SLC5A1: variants seen among roughly 807,000 people sequenced by gnomAD.
SLC5A1 encodes solute carrier family 5 member 1.
A neutral mutation model predicts 73.5 loss-of-function variants in SLC5A1; 42 were observed. That is an observed-to-expected ratio of 0.57 (90% CI 0.45 to 0.74). The LOEUF is 0.74. Among genes scored for constraint, SLC5A1 ranks in the 30% least tolerant of loss-of-function variants. SLC5A1 has a pLI of 0.00. For missense variants in SLC5A1, 634 were observed against 855.4 expected (o/e 0.74, Z 3.23); for synonymous variants, 300 against 317.4 (o/e 0.95, Z 0.58).
At chr22:32,068,073 G>C in intron 4 of SLC5A1, 47 bp downstream of exon 4, 2 of 1,574,308 alleles carry the variant, frequency 1.3e-6, no homozygotes, top group African/African-American at 2.7e-5. Flanking sequence ...AAATGTATCT[G>C]TCAGCTTGGT....
In SLC5A1 at chr22:32,102,177, C is replaced by A. The variant is rs1185265550; in HGVS notation, c.1605C>A (p.Ala535=). The A allele has an allele frequency of 3.1e-6, 5 of 1,614,136 alleles. No homozygotes were observed. In the Middle Eastern group the frequency reaches 5.0e-4, roughly 160 times the overall value. ...HYLYFAIILF[A]ISFITIVVIS... Reference sequence around the variant, plus strand: ...TGTACTTTGCCATTATCCTCTTCGCCATTTCTTTCATCACCATCGTGGTCA... The same window carrying A: ...TGTACTTTGCCATTATCCTCTTCGCAATTTCTTTCATCACCATCGTGGTCA... Residue 535 remains alanine, a synonymous_variant, in exon 13 of 15, where the codon GCC becomes GCA. Transcript: ENST00000266088.
chr22:32,067,681 G>A (rs567839428), intron 3 of SLC5A1, among the ~76,000 whole-genome samples: 56 of 151,992 alleles, frequency 3.7e-4, no homozygotes, highest in Non-Finnish European at 6.8e-4. Context: ...TCTCTAAATG[G>A]CATTTTACTC....
rs1378401876 is a variant in SLC5A1 at position 32,083,078 on chromosome 22, C to A, written c.588C>A (p.Gly196=). The change falls in exon 7 of 15, where the codon GGC becomes GGA. Residue 196 remains glycine (G), a synonymous_variant. Transcript: ENST00000266088. ...AITALYTITG[G]LAAVIYTDTL... ...GTTGTCTTCTTGCCTGCTTAGGGGG[C>A]CTGGCGGCGGTGATTTACACGGACA... The A allele has an allele frequency of 6.2e-7, 1 of 1,613,952 alleles. No individual in the cohort carries two copies. The highest frequency in any genetic ancestry group is 8.5e-7 in the Non-Finnish European group (1 of 1,179,962).
intron 10 of SLC5A1, among the ~76,000 whole-genome samples, chr22:32,087,599 C>CT (rs1474710869): frequency 6.6e-6 from 1 of 152,112 alleles, no homozygotes; most frequent in Admixed American, 6.5e-5. Flanking sequence ...TCCTAGGAGA[C>CT]TGAGTACTTA....
intron 5 of SLC5A1, among the ~76,000 whole-genome samples, chr22:32,075,794 C>T (rs954974585): frequency 6.6e-5 from 10 of 152,028 alleles, no homozygotes; most frequent in African/African-American, 2.4e-4. Context: ...ACAGGCAAGG[C>T]TTTGTCTTCG....
chr22:32,110,324 G>A lies in SLC5A1; in HGVS notation c.*111G>A. The A allele has an allele frequency of 1.2e-6, 1 of 801,598 alleles. No homozygotes were observed. The highest frequency in any genetic ancestry group is 2.6e-5 in the East Asian group (1 of 38,986). 49.7% of individuals were successfully genotyped at this position (801,598 alleles called of 1,614,324 possible). On this transcript the variant is annotated 3_prime_UTR_variant, in exon 15 of 15. Transcript: ENST00000266088. Reference sequence around the variant, plus strand: ...GCCAGTTGTAAATTTTGCCCAGGTGGATAAATGTGTACATGTGTAATTATA... The same window carrying A: ...GCCAGTTGTAAATTTTGCCCAGGTGAATAAATGTGTACATGTGTAATTATA...
chr22:32,059,174 T>C (rs965265738), intron 2 of SLC5A1: 3 of 984,654 alleles, frequency 3.0e-6, no homozygotes, highest in African/African-American at 1.8e-5. Flanking sequence ...GAAGTTACAG[T>C]GAGCCGAGAT....
intron 5 of SLC5A1, among the ~76,000 whole-genome samples, chr22:32,070,895 G>C (rs1424022006): frequency 6.6e-6 from 1 of 152,072 alleles, no homozygotes; most frequent in Non-Finnish European, 1.5e-5. Context: ...GAAAAGAAAA[G>C]AAAAGAAAAT....
In SLC5A1 at chr22:32,081,856, C is replaced by T. The variant is rs559944258; in HGVS notation, c.478-10C>T. On this transcript the variant is annotated splice_polypyrimidine_tract_variant and intron_variant, in intron 5 of 14. Coordinates refer to ENST00000266088, the MANE Select transcript of SLC5A1 (RefSeq NM_000343.4). Reference sequence around the variant, plus strand: ...TCTCCCTCCTAACTCCGCCTCTCCTCTCCTTCCAGGCAGACATCTTCTCGG... The same window carrying T: ...TCTCCCTCCTAACTCCGCCTCTCCTTTCCTTCCAGGCAGACATCTTCTCGG... 1 of 1,596,060 alleles carries T rather than the reference C, an allele frequency of 6.3e-7. No homozygotes were observed. Among genetic ancestry groups the T allele is most frequent in the African/African-American group, 1.3e-5 (1 of 74,684 alleles).
intron 5 of SLC5A1, among the ~76,000 whole-genome samples, chr22:32,073,474 C>G (rs1250621991): frequency 6.6e-6 from 1 of 152,174 alleles, no homozygotes; most frequent in Admixed American, 6.5e-5. Context: ...TCGACCCATG[C>G]CTTTGTGCTT....
intron 13 of SLC5A1, among the ~76,000 whole-genome samples, chr22:32,103,706 A>C (rs1274148459): frequency 1.3e-5 from 2 of 152,262 alleles, no homozygotes; most frequent in Non-Finnish European, 2.9e-5. Flanking sequence ...AGGGAAACCC[A>C]AAATATAGTT....
chr22:32,107,622 T>C (rs906075342), intron 14 of SLC5A1, among the ~76,000 whole-genome samples: 2 of 152,170 alleles, frequency 1.3e-5, no homozygotes, highest in African/African-American at 4.8e-5. Context: ...ATTGAGTTGG[T>C]CTGGACAGGG....
intron 1 of SLC5A1, among the ~76,000 whole-genome samples, chr22:32,049,091 AAT>A (rs34960379): frequency 0.13 from 16,460 of 128,904 alleles, 1,690 homozygotes; most frequent in African/African-American, 0.33. Flanking sequence ...TAAATAAATA[AAT>A]ATATATATAT....
rs374484713 is a variant in SLC5A1 at position 32,084,980 on chromosome 22, G to A, written c.966G>A (p.Leu322=). Residue 322 remains leucine (L), a synonymous_variant, in exon 9 of 15, where the codon CTG becomes CTA. Coordinates refer to ENST00000266088, the MANE Select transcript of SLC5A1 (RefSeq NM_000343.4). ...GCATCCTGTGTGGGTATCTAAAGCTGATGCCCATGTTCATCATGGTGATGC... is the reference window on the plus strand; with the variant it reads ...GCATCCTGTGTGGGTATCTAAAGCTAATGCCCATGTTCATCATGGTGATGC... ...GGCILCGYLK[L]MPMFIMVMPG... is the part of the protein sequence containing the mutation. The A allele has an allele frequency of 2.5e-6, 4 of 1,614,192 alleles. No homozygotes were observed. Among genetic ancestry groups the A allele is most frequent in the Non-Finnish European group, 3.4e-6 (4 of 1,180,032 alleles).
At chr22:32,066,820 C>T in intron 2 of SLC5A1, 115 bp from the exon 3 acceptor site, 1 of 745,246 alleles carries the variant, frequency 1.3e-6, no homozygotes, top group East Asian at 2.7e-5. Flanking sequence ...TCTCCCAGCC[C>T]ACCTCTGCTC....
At chr22:32,088,099 C>T (rs753337703) in intron 10 of SLC5A1, among the ~76,000 whole-genome samples, 1 of 152,198 alleles carries the variant, frequency 6.6e-6, no homozygotes, top group Non-Finnish European at 1.5e-5. Context: ...TTACAATTAG[C>T]AGGAGTCACA....
rs148043557 is a variant in SLC5A1, at chr22:32,097,957, A to C, written c.1281-1226A>C. 2.5e-3 allele frequency among the ~76,000 whole-genome samples: 375 copies of C among 152,366 alleles called. 1 individual carries two copies. Among genetic ancestry groups the C allele is most frequent in the African/African-American group, 8.7e-3 (360 of 41,590 alleles). Reference sequence around the variant, plus strand: ...GCCAAAAGACTAACAAAGCACATTAAAAAAGTATTCAATGCCATCACTAGG... The same window carrying C: ...GCCAAAAGACTAACAAAGCACATTACAAAAGTATTCAATGCCATCACTAGG... On this transcript the variant is annotated intron_variant, in intron 11 of 14. Transcript: ENST00000266088.
At chr22:32,068,335 A>G (rs1462721612) in intron 4 of SLC5A1, among the ~76,000 whole-genome samples, 161 bp from the exon 5 acceptor site, 1 of 152,172 alleles carries the variant, frequency 6.6e-6, no homozygotes, top group Non-Finnish European at 1.5e-5. Flanking sequence ...GCTGGAGGTC[A>G]GGGGCCATCT....
intron 11 of SLC5A1, among the ~76,000 whole-genome samples, chr22:32,096,041 TCTG>T (rs2149495528): frequency 6.6e-6 from 1 of 152,306 alleles, no homozygotes; most frequent in East Asian, 1.9e-4. Context: ...GCAGGAGCAA[TCTG>T]CTACCTTCAG....
Sources: gnomAD v4.1 joint callset for allele counts (sites outside exome capture counted in the v4.1 genomes callset) on GRCh38, gnomAD v4.1.1 for gene constraint, MANE v1.5 for transcripts, NCBI Gene and HGNC (gene_info 2026-07-23, HGNC 2026-07-21) for gene names.